ZEB1: variants seen among roughly 807,000 people sequenced by gnomAD.
The protein encoded by ZEB1 is zinc finger E-box-binding homeobox 1.
A neutral mutation model predicts 84.9 loss-of-function variants in ZEB1; 21 were observed. The observed-to-expected ratio is 0.25, with a 90% confidence interval of 0.18 to 0.36. The LOEUF (loss-of-function observed/expected upper bound fraction) is 0.36. Ranked by LOEUF, ZEB1 falls within the 10% of genes least tolerant of loss-of-function variation. The pLI, the probability that ZEB1 is intolerant of heterozygous loss-of-function variation, is 1.00. For synonymous variants in ZEB1, 420 were observed against 471.1 expected (o/e 0.89, Z 1.41); for missense variants, 1,104 against 1,330.2 (o/e 0.83, Z 2.65).
chr10:31,466,407 A>G (rs1927039), intron 2 of ZEB1, among the ~76,000 whole-genome samples: 25,185 of 152,246 alleles, frequency 0.17, 2,773 homozygotes, highest in East Asian at 0.44. Flanking sequence ...AATTATATCA[A>G]GTATGTTTTC....
At chr10:31,431,504 C>G (rs187050322) in intron 1 of ZEB1, among the ~76,000 whole-genome samples, 92 of 152,186 alleles carry the variant, frequency 6.0e-4, no homozygotes, top group African/African-American at 2.0e-3. Flanking sequence ...ATGTAAAAAT[C>G]TCAGAAGCAT....
chr10:31,472,493 C>T (rs1216091703), intron 2 of ZEB1, among the ~76,000 whole-genome samples: 2 of 151,374 alleles, frequency 1.3e-5, no homozygotes, highest in Non-Finnish European at 2.9e-5. Context: ...ATACACTCTC[C>T]CAAGACTAAA....
chr10:31,368,235 G>T (rs1245384281), intron 1 of ZEB1, among the ~76,000 whole-genome samples: 1 of 152,058 alleles, frequency 6.6e-6, no homozygotes, highest in Non-Finnish European at 1.5e-5. Context: ...GCTTACTGCA[G>T]CCTCGACCTC....
intron 2 of ZEB1, among the ~76,000 whole-genome samples, chr10:31,465,908 C>G (rs185719576): frequency 7.9e-5 from 12 of 152,064 alleles, no homozygotes; most frequent in African/African-American, 2.4e-4. Context: ...TTTAAAGATA[C>G]AGATAAGATG....
chr10:31,439,727 G>A (rs1237477769), intron 1 of ZEB1, among the ~76,000 whole-genome samples: 1 of 152,098 alleles, frequency 6.6e-6, no homozygotes, highest in African/African-American at 2.4e-5. Context: ...TGAGGAGGTG[G>A]AATTGGGCAG....
At chr10:31,459,345 A>T (rs1450367618) in intron 1 of ZEB1, among the ~76,000 whole-genome samples, 1 of 152,086 alleles carries the variant, frequency 6.6e-6, no homozygotes, top group Non-Finnish European at 1.5e-5. Flanking sequence ...ATTTATATTA[A>T]ATATAAGATA....
intron 1 of ZEB1, among the ~76,000 whole-genome samples, chr10:31,363,989 G>A (rs1162209628): frequency 5.9e-5 from 9 of 152,320 alleles, no homozygotes; most frequent in South Asian, 2.1e-4. Context: ...GCAGGTTGCC[G>A]ATGGCATGGC....
chr10:31,467,941 C>T (rs946919744), intron 2 of ZEB1, among the ~76,000 whole-genome samples: 13 of 152,220 alleles, frequency 8.5e-5, no homozygotes, highest in African/African-American at 1.4e-4. Context: ...CTAATTGGGC[C>T]GGCTGCCAGG....
chr10:31,412,324 A>G (rs1464449678), intron 1 of ZEB1, among the ~76,000 whole-genome samples: 2 of 152,104 alleles, frequency 1.3e-5, no homozygotes, highest in Non-Finnish European at 2.9e-5. Context: ...GGTTTGTTAC[A>G]TATGTATAAA....
At chr10:31,496,909 G>A (rs888956261) in intron 3 of ZEB1, among the ~76,000 whole-genome samples, 4 of 151,952 alleles carry the variant, frequency 2.6e-5, no homozygotes, top group African/African-American at 9.7e-5. Flanking sequence ...AGTCATTTCT[G>A]TAAAACAGAG....
chr10:31,525,578 A>G (rs151072301), intron 8 of ZEB1, among the ~76,000 whole-genome samples: 98 of 152,314 alleles, frequency 6.4e-4, no homozygotes, highest in Non-Finnish European at 1.2e-3. Flanking sequence ...TGAGCTCTTT[A>G]ATCCCCTACC....
At chr10:31,329,809 G>A (rs1221232091) in intron 1 of ZEB1, among the ~76,000 whole-genome samples, 1 of 152,108 alleles carries the variant, frequency 6.6e-6, no homozygotes, top group East Asian at 1.9e-4. Context: ...GATGTTTGAA[G>A]ATCTTTTGGT....
chr10:31,457,939 C>T (rs190986288), intron 1 of ZEB1, among the ~76,000 whole-genome samples: 91 of 152,216 alleles, frequency 6.0e-4, no homozygotes, highest in Middle Eastern at 3.4e-3. Context: ...TAATATAATG[C>T]TAGGCTGCAA....
At chr10:31,363,477 C>T in intron 1 of ZEB1, 1 of 1,532,520 alleles carries the variant, frequency 6.5e-7, no homozygotes, top group East Asian at 2.4e-5. Context: ...CCTGAGTCTC[C>T]AGGGGCCTAG....
chr10:31,433,388 T>G (rs2370655), intron 1 of ZEB1, among the ~76,000 whole-genome samples: 8,038 of 152,228 alleles, frequency 0.053, 609 homozygotes, highest in East Asian at 0.18. Context: ...AAGCTCAAAT[T>G]TTATTGGCAA....
chr10:31,337,780 G>A (rs545875575), intron 1 of ZEB1, among the ~76,000 whole-genome samples: 10 of 143,296 alleles, frequency 7.0e-5, no homozygotes, highest in Non-Finnish European at 1.3e-4. Flanking sequence ...CCGTCTCCCC[G>A]GTCAAGCGAT....
intron 1 of ZEB1, among the ~76,000 whole-genome samples, chr10:31,384,329 A>G (rs2048256250): frequency 6.6e-6 from 1 of 152,156 alleles, no homozygotes; most frequent in Non-Finnish European, 1.5e-5. Flanking sequence ...TTTGTTAATC[A>G]ATCCATGACT....
intron 1 of ZEB1, among the ~76,000 whole-genome samples, chr10:31,410,310 T>C (rs1459403342): frequency 6.6e-6 from 1 of 152,212 alleles, no homozygotes; most frequent in Admixed American, 6.5e-5. Flanking sequence ...ATGGATTATG[T>C]TGATTGATTT....
intron 1 of ZEB1, among the ~76,000 whole-genome samples, chr10:31,429,626 C>T (rs889188798): frequency 1.4e-5 from 2 of 147,002 alleles, no homozygotes; most frequent in Non-Finnish European, 3.0e-5. Flanking sequence ...AACAAACCCT[C>T]ATGACACAAG....
Sources: gnomAD v4.1 joint callset for allele counts (sites outside exome capture counted in the v4.1 genomes callset) on GRCh38, gnomAD v4.1.1 for gene constraint, MANE v1.5 for transcripts, NCBI Gene and HGNC (gene_info 2026-07-23, HGNC 2026-07-21) for gene names.